MYBPC1: variants seen among roughly 807,000 people sequenced by gnomAD.
MYBPC1 encodes myosin-binding protein C, slow-type.
A neutral mutation model predicts 147.1 loss-of-function variants in MYBPC1; 52 were observed. The ratio of observed to expected loss-of-function variants is 0.35; its 90% confidence interval spans 0.28 to 0.45. The LOEUF (loss-of-function observed/expected upper bound fraction) is 0.45, where lower values mean the gene tolerates loss of function less well. Among genes scored for constraint, MYBPC1 ranks in the 20% least tolerant of loss-of-function variants. The probability of loss-of-function intolerance (pLI) is 1.00; values close to 1 mark genes in which losing one functional copy is unlikely to be tolerated. For missense variants in MYBPC1, 1,228 were observed against 1,440.3 expected (o/e 0.85, Z 2.39); for synonymous variants, 477 against 475.9 (o/e 1.00, Z -0.03).
At chr12:101,694,345 T>A in the MYBPC1 span, among the ~76,000 whole-genome samples, 2 of 152,222 alleles carry the variant, frequency 1.3e-5, no homozygotes, top group African/African-American at 4.8e-5. Flanking sequence ...ATAAGTAAAA[T>A]AATACTGTGT....
chr12:101,614,588 C>T, intron 2 of MYBPC1, 57 bp downstream of exon 2: 2 of 1,590,420 alleles, frequency 1.3e-6, no homozygotes, highest in Admixed American at 1.7e-5. Flanking sequence ...GGGTCCATCC[C>T]AGCATGATTT....
In MYBPC1 at chr12:101,652,526, CT is replaced by C; in HGVS notation, c.1527-151del. On this transcript the variant is annotated intron_variant, in intron 16 of 31. Transcript: ENST00000361466. The stretch of plus-strand genomic sequence containing the variant: ...AGTAGGATAATTAAGGCTTCTCATC[CT>C]CTCTCTCTCTCTCTCTCTTTCTCTC... 15 of 207,288 alleles carry C rather than the reference CT, an allele frequency of 7.2e-5. 1 individual carries two copies. The highest frequency in any genetic ancestry group is 6.8e-4 in the East Asian group (4 of 5,884). 12.8% of individuals were successfully genotyped at this position (207,288 alleles called of 1,614,324 possible).
At chr12:101,643,254 A>G (rs1280034584) in intron 11 of MYBPC1, among the ~76,000 whole-genome samples, 1 of 152,204 alleles carries the variant, frequency 6.6e-6, no homozygotes, top group African/African-American at 2.4e-5. Context: ...CCCTTTAAAA[A>G]AAATCTGACC....
chr12:101,646,631 C>A lies in MYBPC1; in HGVS notation c.966-132C>A, dbSNP rs951740900. 9.7e-6 allele frequency: 10 copies of A among 1,032,600 alleles called. No individual in the cohort carries two copies. In the African/African-American group the frequency reaches 1.3e-4, roughly 13 times the overall value. The allele number at this position is 1,032,600 out of a possible 1,614,324, so 64.0% of individuals were successfully genotyped here. On this transcript the variant is annotated intron_variant, in intron 12 of 31. Coordinates refer to ENST00000361466, the MANE Select transcript of MYBPC1 (RefSeq NM_002465.4). ...TCCTGCCTGTGCAACAGAGCAAGAC[C>A]CTGTCTCAAAAAAAAACAACAGATC...
chr12:101,663,546 A>T lies in MYBPC1; in HGVS notation c.2342A>T (p.Tyr781Phe). The T allele has an allele frequency of 6.2e-7, 1 of 1,614,018 alleles. No individual in the cohort carries two copies. Among genetic ancestry groups the T allele is most frequent in the Non-Finnish European group, 8.5e-7 (1 of 1,180,014 alleles). Residue 781 changes from tyrosine to phenylalanine, a missense_variant, in exon 22 of 32, where the codon TAT (tyrosine) becomes TTT (phenylalanine). This residue lies in a region of MYBPC1 where 1,077 missense variants were observed against 1,314.2 expected (regional missense o/e 0.82). Coordinates refer to ENST00000361466, the MANE Select transcript of MYBPC1 (RefSeq NM_002465.4). ...GGTTTAGATGGCTATGTGCTAGAGT[A>T]TTGCTTTGAAGGAAGTAAGTACAAC... ...AAGLDGYVLEYCFEGTEDWIV... is the reference protein window; with the variant it reads ...AAGLDGYVLEFCFEGTEDWIV...
intron 12 of MYBPC1, among the ~76,000 whole-genome samples, chr12:101,646,374 C>A (rs376181248): frequency 1.8e-4 from 27 of 151,932 alleles, no homozygotes; most frequent in African/African-American, 6.3e-4. Flanking sequence ...CTGCTGGGCA[C>A]GATGGCTCAC....
At chr12:101,662,674 CAGTT>C (rs1896767061) in intron 21 of MYBPC1, 128 bp downstream of exon 21, 1 of 967,904 alleles carries the variant, frequency 1.0e-6, no homozygotes, top group African/African-American at 1.6e-5. Flanking sequence ...GAGCTTGAAA[CAGTT>C]AGGTACAATT....
chr12:101,630,162 G>C (rs1376556833), intron 6 of MYBPC1, among the ~76,000 whole-genome samples: 2 of 152,118 alleles, frequency 1.3e-5, no homozygotes, highest in African/African-American at 4.8e-5. Context: ...TTTGTGTCTG[G>C]CTTCTTTCAC....
chr12:101,598,183 C>A (rs1420103348), intron 1 of MYBPC1, among the ~76,000 whole-genome samples: 1 of 152,046 alleles, frequency 6.6e-6, no homozygotes, highest in Non-Finnish European at 1.5e-5. Context: ...ACACGCCCAG[C>A]TAATTTTTGT....
rs142044795 is a variant in MYBPC1, at chr12:101,649,444, A to G, written c.1363+18A>G. 7.2e-4 allele frequency: 1,161 copies of G among 1,613,210 alleles called. 9 individuals are homozygous for G. In the African/African-American group the frequency reaches 0.013, roughly 18 times the overall value. The stretch of plus-strand genomic sequence containing the variant: ...TGTTGACTGTAAGTGAGACTTCTTT[A>G]GATGTCTTCTCAGTGGGCTTATTAA... On this transcript the variant is annotated intron_variant, in intron 15 of 31. Coordinates refer to ENST00000361466, the MANE Select transcript of MYBPC1 (RefSeq NM_002465.4).
chr12:101,603,080 C>T (rs1423816251), intron 1 of MYBPC1, among the ~76,000 whole-genome samples: 1 of 152,176 alleles, frequency 6.6e-6, no homozygotes, highest in Non-Finnish European at 1.5e-5. Context: ...CGTGGTGGCT[C>T]ATGCCTATAA....
At chr12:101,620,073 TA>T (rs1887030546) in intron 3 of MYBPC1, among the ~76,000 whole-genome samples, 1 of 152,222 alleles carries the variant, frequency 6.6e-6, no homozygotes, top group Admixed American at 6.5e-5. Context: ...TGCATCTGGC[TA>T]TCCATCCAGC....
chr12:101,656,779 A>C (rs1895620647), intron 18 of MYBPC1, among the ~76,000 whole-genome samples: 1 of 152,198 alleles, frequency 6.6e-6, no homozygotes, highest in Non-Finnish European at 1.5e-5. Context: ...TCTATCAGAA[A>C]TGGGCAGATT....
At chr12:101,683,151 T>TG (rs76305329) in intron 30 of MYBPC1, among the ~76,000 whole-genome samples, 32,149 of 152,048 alleles carry the variant, frequency 0.21, 3,890 homozygotes, top group Middle Eastern at 0.35. Flanking sequence ...ATTTAGAGGC[T>TG]GGGCGTGATG....
intron 29 of MYBPC1, 59 bp downstream of exon 29, chr12:101,680,588 T>TAATAAATA: frequency 6.3e-7 from 1 of 1,588,480 alleles, no homozygotes; most frequent in Non-Finnish European, 8.6e-7. Context: ...TGAATTATTG[T>TAATAAATA]TCTTAATGCT....
chr12:101,614,709 A>G (rs1593680329), intron 2 of MYBPC1, 178 bp downstream of exon 2: 1 of 672,022 alleles, frequency 1.5e-6, no homozygotes, highest in East Asian at 2.7e-5. Flanking sequence ...CTGTGTTTAT[A>G]TAATCCTCTT....
At chr12:101,648,771 GT>G (rs758719459) in intron 14 of MYBPC1, among the ~76,000 whole-genome samples, 2 of 152,216 alleles carry the variant, frequency 1.3e-5, no homozygotes, top group East Asian at 3.9e-4. Flanking sequence ...GGTGGGGAAT[GT>G]TTTCTCAGGT....
At chr12:101,663,326 G>A (rs558010516) in intron 21 of MYBPC1, 100 bp from the exon 22 acceptor site, 2 of 1,048,626 alleles carry the variant, frequency 1.9e-6, no homozygotes, top group Admixed American at 3.4e-5. Flanking sequence ...TAGGGCTTTT[G>A]TGTCTATTTT....
At position 101,622,418 on chromosome 12, in the gene MYBPC1, C is replaced by T. The variant is rs188861801; in HGVS notation, c.104-4454C>T. Among the ~76,000 whole-genome samples the T allele has an allele frequency of 3.4e-3, 520 of 152,200 alleles. 5 individuals carry two copies. Among genetic ancestry groups the T allele is most frequent in the Non-Finnish European group, 5.7e-3 (389 of 68,012 alleles). ...ACATTTCCCAATCTAAAAAAAAGTG[C>T]CAGGACTGAAGCAACTTTTAAAAGA... On this transcript the variant is annotated intron_variant, in intron 3 of 31. Transcript: ENST00000361466.
Sources: allele counts gnomAD v4.1 joint callset (sites outside exome capture counted in the v4.1 genomes callset), GRCh38; gene constraint gnomAD v4.1.1; regional missense constraint gnomAD v4.1.1; transcripts MANE v1.5; gene names NCBI Gene and HGNC (gene_info 2026-07-23, HGNC 2026-07-21).